Variants in NAV2 observed in about 807,000 individuals in gnomAD.
The protein encoded by NAV2 is helicase, APC down-regulated 1.
NAV2 carries 54 observed loss-of-function variants against 223.2 expected under a neutral mutation model. The ratio of observed to expected loss-of-function variants is 0.24; its 90% CI spans 0.19 to 0.30. The LOEUF (loss-of-function observed/expected upper bound fraction) is 0.30. NAV2 is among the 10% of genes least tolerant of loss of function. NAV2 has a pLI of 1.00. For synonymous variants in NAV2, 1,279 were observed against 1,239.3 expected, an observed-to-expected ratio of 1.03 and a Z score of -0.67; for missense variants, 2,806 against 3,147.5, an observed-to-expected ratio of 0.89 and a Z score of 2.60.
intron 1 of NAV2, among the ~76,000 whole-genome samples, chr11:19,585,452 G>T (rs1332830458): frequency 1.3e-5 from 2 of 152,150 alleles, no homozygotes; most frequent in Non-Finnish European, 2.9e-5. Context: ...GCTCCTTAGT[G>T]GATGCAGTTT....
chr11:19,553,281 C>T (rs1043226128), intron 1 of NAV2, among the ~76,000 whole-genome samples: 4 of 152,170 alleles, frequency 2.6e-5, no homozygotes, highest in Non-Finnish European at 4.4e-5. Flanking sequence ...GGTCAACAGC[C>T]CCACCCCTAA....
At chr11:19,562,531 G>A (rs983380931) in intron 1 of NAV2, among the ~76,000 whole-genome samples, 3 of 152,002 alleles carry the variant, frequency 2.0e-5, no homozygotes, top group African/African-American at 7.3e-5. Context: ...TGACAGCCCT[G>A]GAGCTTAGGC....
At chr11:19,681,263 A>G (rs997335220) in intron 1 of NAV2, among the ~76,000 whole-genome samples, 5 of 152,250 alleles carry the variant, frequency 3.3e-5, no homozygotes, top group Admixed American at 2.6e-4. Flanking sequence ...ATCATTATCA[A>G]ATAATGACAA....
intron 1 of NAV2, among the ~76,000 whole-genome samples, chr11:19,624,648 T>G (rs1168304456): frequency 6.6e-6 from 1 of 152,216 alleles, no homozygotes; most frequent in African/African-American, 2.4e-5. Context: ...CCTGGTGCCA[T>G]CTGTCACAGC....
chr11:19,686,160 T>G (rs1267942134), intron 1 of NAV2, among the ~76,000 whole-genome samples: 3 of 152,150 alleles, frequency 2.0e-5, no homozygotes, highest in African/African-American at 7.2e-5. Context: ...AGGTGGCTCC[T>G]ACTCAGCCTT....
At chr11:19,917,767 T>G (rs2043927986) in intron 6 of NAV2, among the ~76,000 whole-genome samples, 1 of 152,160 alleles carries the variant, frequency 6.6e-6, no homozygotes, top group South Asian at 2.1e-4. Flanking sequence ...TACTCGCCAC[T>G]ACCCCTGGCT....
intron 1 of NAV2, among the ~76,000 whole-genome samples, chr11:19,659,317 A>C (rs1771742752): frequency 6.6e-6 from 1 of 152,204 alleles, no homozygotes; most frequent in Admixed American, 6.5e-5. Context: ...AGGCCAGTTC[A>C]GATGGAGTGT....
At chr11:19,442,570 C>T (rs960680026) in intron 1 of NAV2, among the ~76,000 whole-genome samples, 6 of 152,274 alleles carry the variant, frequency 3.9e-5, no homozygotes, top group Admixed American at 6.5e-5. Flanking sequence ...TCTGCTGTTG[C>T]TGGGAGAGCC....
intron 1 of NAV2, among the ~76,000 whole-genome samples, chr11:19,615,991 G>T (rs1426481676): frequency 2.0e-5 from 3 of 152,144 alleles, no homozygotes; most frequent in Non-Finnish European, 4.4e-5. Flanking sequence ...TGCTCTCAGA[G>T]CTGTTTGTTT....
At chr11:19,793,919 C>T (rs182739591) in intron 1 of NAV2, among the ~76,000 whole-genome samples, 341 of 152,294 alleles carry the variant, frequency 2.2e-3, no homozygotes, top group African/African-American at 7.8e-3. Flanking sequence ...ATTTTATCCT[C>T]GGAGAGGCCG....
chr11:19,576,356 A>G (rs2045571196), intron 1 of NAV2, among the ~76,000 whole-genome samples: 1 of 152,214 alleles, frequency 6.6e-6, no homozygotes, highest in South Asian at 2.1e-4. Context: ...CAGATTTCCC[A>G]TCTGCAGGGT....
intron 1 of NAV2, among the ~76,000 whole-genome samples, chr11:19,546,779 C>T (rs1363756605): frequency 6.6e-6 from 1 of 152,094 alleles, no homozygotes; most frequent in African/African-American, 2.4e-5. Context: ...CCTTTTTCTC[C>T]ATCTCTCTCC....
chr11:19,396,074 T>C (rs140253739), intron 1 of NAV2, among the ~76,000 whole-genome samples: 189 of 152,352 alleles, frequency 1.2e-3, no homozygotes, highest in Non-Finnish European at 2.0e-3. Context: ...ATAATGCATA[T>C]GAAGTACCTA....
At chr11:19,597,030 A>G (rs2403498) in intron 1 of NAV2, among the ~76,000 whole-genome samples, 151,886 of 152,342 alleles carry the variant, frequency 1, 75,717 homozygotes, top group Middle Eastern at 1. Flanking sequence ...CCTTTGCTGT[A>G]TTGCATGCAA....
Position 20,118,913 on chromosome 11 carries a change from C to G in NAV2, c.*655C>G, listed in dbSNP as rs2063335290. 6.5e-6 allele frequency: 1 copy of G among 152,732 alleles called. No individual in the cohort carries two copies. The highest frequency in any genetic ancestry group is 1.5e-5 in the Non-Finnish European group (1 of 68,152). The allele number at this position is 152,732 out of a possible 1,614,324, so 9.5% of individuals were successfully genotyped here. A position where few individuals can be genotyped will look rare whatever the true frequency, so the allele number is the denominator to read the frequency against. ...CTTTCCTTACCCGAGAGGTATTTTG[C>G]CTGTTCCAATCAAACCACCCCATTC... On this transcript the variant is annotated 3_prime_UTR_variant, in exon 38 of 38. Transcript: ENST00000349880.
intron 5 of NAV2, among the ~76,000 whole-genome samples, chr11:19,887,857 C>G (rs1474729913): frequency 6.6e-6 from 1 of 152,064 alleles, no homozygotes; most frequent in Non-Finnish European, 1.5e-5. Context: ...CGCCCCCCGC[C>G]AAACCCCAGC....
chr11:19,611,252 C>T (rs1418730560), intron 1 of NAV2, among the ~76,000 whole-genome samples: 2 of 152,174 alleles, frequency 1.3e-5, no homozygotes, highest in African/African-American at 2.4e-5. Flanking sequence ...TCCCACAACA[C>T]GTGGGAATTC....
At chr11:19,489,994 A>C (rs2042571996) in intron 1 of NAV2, among the ~76,000 whole-genome samples, 1 of 152,210 alleles carries the variant, frequency 6.6e-6, no homozygotes, top group South Asian at 2.1e-4. Flanking sequence ...AGTGAGTCAC[A>C]TGAATTTTTT....
intron 1 of NAV2, chr11:19,351,176 G>A (rs971045487): frequency 4.2e-5 from 32 of 769,470 alleles, no homozygotes; most frequent in Admixed American, 1.4e-4. Flanking sequence ...GCTATGTCTC[G>A]ATGCTGGGTG....
Sources: allele counts gnomAD v4.1 joint callset (sites outside exome capture counted in the v4.1 genomes callset), GRCh38; gene constraint gnomAD v4.1.1; transcripts MANE v1.5; gene names NCBI Gene and HGNC (gene_info 2026-07-23, HGNC 2026-07-21).